Variants in SLC5A10 observed in about 807,000 individuals in gnomAD.
SLC5A10 encodes the protein solute carrier family 5 member 10.
SLC5A10 carries 55 observed loss-of-function variants against 68.9 expected under a neutral mutation model. The ratio of observed to expected loss-of-function variants is 0.80; its 90% CI spans 0.64 to 1.00. The LOEUF is 1.00. SLC5A10 is among the 50% of genes least tolerant of loss of function. The probability of loss-of-function intolerance (pLI) is 0.00; values close to 1 mark genes in which losing one functional copy is unlikely to be tolerated. For missense variants in SLC5A10, 732 were observed against 819.3 expected (o/e 0.89, Z 1.30); for synonymous variants, 344 against 344.8 (o/e 1.00, Z 0.02).
rs551517374 is a variant in SLC5A10, at chr17:18,959,800, A to C, written c.348+137A>C. 123 of 701,150 alleles carry C rather than the reference A, an allele frequency of 1.8e-4. 2 individuals are homozygous for C. Among genetic ancestry groups the C allele is most frequent in the South Asian group, 1.7e-3 (111 of 64,706 alleles). 43.4% of individuals were successfully genotyped at this position (701,150 alleles called of 1,614,324 possible). A position where few individuals can be genotyped will look rare whatever the true frequency, so the allele number is the denominator to read the frequency against. On this transcript the variant is annotated intron_variant, in intron 4 of 14. Coordinates refer to ENST00000395645, the MANE Select transcript of SLC5A10 (RefSeq NM_001042450.4). ...GCTGGGTTTGCTATTAGCCCGACTA[A>C]TATTTCTATCAACCTGCTAAGGTGG...
At chr17:18,991,589 G>GGTCC (rs1408213794) in intron 9 of SLC5A10, among the ~76,000 whole-genome samples, 2 of 152,176 alleles carry the variant, frequency 1.3e-5, no homozygotes, top group Non-Finnish European at 2.9e-5. Context: ...GGGTGGCCTG[G>GGTCC]GTCCCATCAC....
Position 19,020,332 on chromosome 17 carries a change from C to T in SLC5A10, c.1692C>T (p.Gly564=), listed in dbSNP as rs77000553. The T allele has an allele frequency of 1.2e-5, 20 of 1,614,138 alleles. No individual in the cohort carries two copies. Among genetic ancestry groups the T allele is most frequent in the African/African-American group, 4.0e-5 (3 of 75,052 alleles). Residue 564 remains glycine, a synonymous_variant, in exon 15 of 15, where the codon GGC becomes GGT. Transcript: ENST00000395645. ...DVPLGTKAGD[G]QTPQKHAFWA... Reference sequence around the variant, plus strand: ...TTCTGCAACCCCCTCCAGGTGATGGCCAAACACCCCAGAAACACGCCTTCT... The same window carrying T: ...TTCTGCAACCCCCTCCAGGTGATGGTCAAACACCCCAGAAACACGCCTTCT...
Position 19,013,522 on chromosome 17 carries a change from G to C in SLC5A10, c.1090+5G>C. ...TCATGGAACTGATGCCCATCGGTGA[G>C]GCTGTGTGGGTGGGGGTCTGGGTGG... On this transcript the variant is annotated splice_donor_5th_base_variant and intron_variant, in intron 10 of 14. Transcript: ENST00000395645. 6.8e-7 allele frequency: 1 copy of C among 1,468,784 alleles called. No individual in the cohort carries two copies. The highest frequency in any genetic ancestry group is 9.0e-7 in the Non-Finnish European group (1 of 1,108,720). 91.0% of individuals were successfully genotyped at this position (1,468,784 alleles called of 1,614,324 possible). A position where few individuals can be genotyped will look rare whatever the true frequency, so the allele number is the denominator to read the frequency against.
chr17:18,977,796 C>T (rs1014037928), intron 9 of SLC5A10: 3 of 1,602,878 alleles, frequency 1.9e-6, no homozygotes, highest in Non-Finnish European at 2.6e-6. Flanking sequence ...ACTGAGTGCT[C>T]TCTCACCTCG....
At chr17:18,978,847 G>T in intron 9 of SLC5A10, 1 of 1,611,512 alleles carries the variant, frequency 6.2e-7, no homozygotes, top group South Asian at 1.1e-5. Flanking sequence ...CCGACCACGT[G>T]AAGCTGCAAC....
chr17:18,984,393 A>C (rs949452663), intron 9 of SLC5A10, among the ~76,000 whole-genome samples: 12 of 150,852 alleles, frequency 8.0e-5, no homozygotes, highest in African/African-American at 2.9e-4. Context: ...CCACAGACCC[A>C]GGCCCAGGTA....
chr17:18,970,677 C>T (rs1343862070), intron 7 of SLC5A10: 2 of 336,260 alleles, frequency 5.9e-6, no homozygotes, highest in East Asian at 1.2e-4. Flanking sequence ...AATCGACAAT[C>T]GGAAACCTGG....
At chr17:18,969,290 C>A in intron 6 of SLC5A10, 52 bp from the exon 7 acceptor site, 1 of 1,594,040 alleles carries the variant, frequency 6.3e-7, no homozygotes. Flanking sequence ...CTCCCCGTGT[C>A]CCTCCTCCCT....
chr17:19,020,306 C>A lies in SLC5A10; in HGVS notation c.1685-19C>A. On this transcript the variant is annotated intron_variant, in intron 14 of 14. Transcript: ENST00000395645. ...CTTGTGTCCTTCATCTGTCCCTCTC[C>A]TTCTGCAACCCCCTCCAGGTGATGG... 1 of 1,614,062 alleles carries A rather than the reference C, an allele frequency of 6.2e-7. No individual in the cohort carries two copies. Among genetic ancestry groups the A allele is most frequent in the Non-Finnish European group, 8.5e-7 (1 of 1,179,902 alleles).
chr17:19,019,201 A>AC (rs1249593426), intron 11 of SLC5A10: 17 of 570,568 alleles, frequency 3.0e-5, no homozygotes, highest in Non-Finnish European at 4.6e-5. Context: ...GACAGCACTT[A>AC]GAGTCAGGAG....
intron 5 of SLC5A10, among the ~76,000 whole-genome samples, chr17:18,966,124 T>C (rs2042704197): frequency 6.6e-6 from 1 of 152,038 alleles, no homozygotes; most frequent in Admixed American, 6.5e-5. Flanking sequence ...GGGTACAAGA[T>C]GAAGGGAGGA....
At chr17:18,983,209 C>T (rs2043183089) in intron 9 of SLC5A10, among the ~76,000 whole-genome samples, 1 of 152,238 alleles carries the variant, frequency 6.6e-6, no homozygotes, top group African/African-American at 2.4e-5. Flanking sequence ...GCTCTTTCAT[C>T]ACCCACCTCC....
chr17:18,956,859 T>C (rs994571862), intron 1 of SLC5A10, among the ~76,000 whole-genome samples: 2 of 152,128 alleles, frequency 1.3e-5, no homozygotes, highest in African/African-American at 4.8e-5. Context: ...TATCTCAGCA[T>C]GCTACGTGTA....
At chr17:18,961,406 C>T (rs1398828771) in intron 5 of SLC5A10, among the ~76,000 whole-genome samples, 4 of 152,184 alleles carry the variant, frequency 2.6e-5, no homozygotes, top group East Asian at 3.9e-4. Flanking sequence ...CTGCGACCTC[C>T]GAGCCTCCCT....
In SLC5A10 at chr17:18,970,868, T is replaced by TTTCCAAACACTGGGAAAGATGAGG. The variant is rs2042824042; in HGVS notation, c.641-143_641-120dup. On this transcript the variant is annotated intron_variant, in intron 7 of 14. Coordinates refer to ENST00000395645, the MANE Select transcript of SLC5A10 (RefSeq NM_001042450.4). ...AAAAACAACCCTCTACCCTCACACC[T>TTTCCAAACACTGGGAAAGATGAGG]TTCCAAACACTGGGAAAGATGAGGT... The TTTCCAAACACTGGGAAAGATGAGG allele has an allele frequency of 1.6e-5, 11 of 695,706 alleles. No homozygotes were observed. In the South Asian group the frequency reaches 1.8e-4, roughly 11 times the overall value. 43.1% of individuals were successfully genotyped at this position (695,706 alleles called of 1,614,324 possible).
chr17:19,016,124 C>G (rs1056730238), intron 11 of SLC5A10, among the ~76,000 whole-genome samples: 1 of 151,622 alleles, frequency 6.6e-6, no homozygotes, highest in Non-Finnish European at 1.5e-5. Context: ...TGGCTCCCTG[C>G]GACCTCCACC....
chr17:18,972,342 T>C lies in SLC5A10; in HGVS notation c.846+1124T>C, dbSNP rs9916283. The stretch of plus-strand genomic sequence containing the variant: ...ACAAGGCAGCCACAGCCAGCCTCTG[T>C]GGAATGAACGATCACAGCGCTCACA... On this transcript the variant is annotated intron_variant, in intron 8 of 14. Coordinates refer to ENST00000395645, the MANE Select transcript of SLC5A10 (RefSeq NM_001042450.4). 5.6e-3 allele frequency among the ~76,000 whole-genome samples: 856 copies of C among 152,286 alleles called. 7 individuals are homozygous for C. The highest frequency in any genetic ancestry group is 0.019 in the African/African-American group (796 of 41,556).
At chr17:18,978,475 T>G in intron 9 of SLC5A10, 1 of 1,611,552 alleles carries the variant, frequency 6.2e-7, no homozygotes, top group Non-Finnish European at 8.5e-7. Flanking sequence ...GAAGCAGTCC[T>G]GGGTGGATGG....
chr17:18,967,244 G>A (rs1255347366), intron 5 of SLC5A10, among the ~76,000 whole-genome samples: 1 of 152,176 alleles, frequency 6.6e-6, no homozygotes, highest in African/African-American at 2.4e-5. Flanking sequence ...CCAGTCTATA[G>A]GGGAGACAGC....
Sources: gnomAD v4.1 joint callset for allele counts (sites outside exome capture counted in the v4.1 genomes callset) on GRCh38, gnomAD v4.1.1 for gene constraint, MANE v1.5 for transcripts, NCBI Gene and HGNC (gene_info 2026-07-23, HGNC 2026-07-21) for gene names.